The following PHKA1 variants were observed in gnomAD, a reference collection of about 807,000 sequenced individuals.
PHKA1 encodes phosphorylase kinase regulatory subunit alpha 1, also known as phosphorylase b kinase regulatory subunit alpha, skeletal muscle isoform.
Under a neutral mutation model 110.2 loss-of-function variants are expected in PHKA1, and 60 were observed. The observed-to-expected ratio is 0.54, with a 90% CI of 0.44 to 0.68. The LOEUF is 0.68. Among genes scored for constraint, PHKA1 ranks in the 30% least tolerant of loss-of-function variants. The pLI is 0.00. For missense variants in PHKA1, 801 were observed against 942.5 expected, an observed-to-expected ratio of 0.85 and a Z score of 1.97; for synonymous variants, 316 against 333.6, an observed-to-expected ratio of 0.95 and a Z score of 0.58.
chrX:72,703,092 A>G (rs1396344006), intron 3 of PHKA1, among the ~76,000 whole-genome samples: 3 of 111,259 alleles, frequency 2.7e-5, no homozygotes, highest in African/African-American at 9.8e-5. Flanking sequence ...TTGTGCCCCA[A>G]TCACCCTGGG....
chrX:72,670,138 T>C (rs1486730274), intron 6 of PHKA1, among the ~76,000 whole-genome samples: 1 of 112,225 alleles, frequency 8.9e-6, no homozygotes, highest in Admixed American at 9.5e-5. Flanking sequence ...CCAGTGATGA[T>C]GAGCATTTTT....
Position 72,644,026 on chromosome X carries a change from G to T in PHKA1, c.1459+336C>A, listed in dbSNP as rs1556296452. ...TAAAAGACCTAAAAACAAGTTCCTT[G>T]GCTATCATTCCATATAAAATAAGCA... On this transcript the variant is annotated intron_variant, in intron 14 of 31. Transcript: ENST00000373542. 2.7e-5 allele frequency among the ~76,000 whole-genome samples: 3 copies of T among 111,496 alleles called. No individual in the cohort carries two copies. In the East Asian group the frequency reaches 8.4e-4, roughly 31 times the overall value.
intron 4 of PHKA1, among the ~76,000 whole-genome samples, chrX:72,692,960 TG>T (rs1351294851): frequency 1.8e-5 from 2 of 109,524 alleles, no homozygotes; most frequent in Non-Finnish European, 3.8e-5. Context: ...TTTTTTACAT[TG>T]GTGTTTACAG....
rs782491905 is a variant in PHKA1 at position 72,581,204 on chromosome X, TA to T, written c.3499-30del. 8.4e-4 allele frequency: 858 copies of T among 1,021,455 alleles called. 4 individuals carry two copies. The African/African-American group carries it at 0.012, about 15-fold the overall frequency. 84.2% of individuals were successfully genotyped at this position (1,021,455 alleles called of 1,213,427 possible). On this transcript the variant is annotated intron_variant, in intron 31 of 31. Coordinates refer to ENST00000373542, the MANE Select transcript of PHKA1 (RefSeq NM_002637.4). ...TTTGGTTTTTAAGGGTAGAAGAACATAGGGGAAAGGAAAAATTACCAATCTT... is the reference window on the plus strand; with the variant it reads ...TTTGGTTTTTAAGGGTAGAAGAACATGGGGAAAGGAAAAATTACCAATCTT...
In PHKA1 at chrX:72,706,523, C is replaced by G. The variant is rs190042584; in HGVS notation, c.238-1278G>C. On this transcript the variant is annotated intron_variant, in intron 2 of 31. Transcript: ENST00000373542. ...CAATTCTGATACATGTCACCACATA[C>G]TCAAAGGTTTCTACCATATTCTGTC... Among the ~76,000 whole-genome samples, 180 of 111,529 alleles carry G rather than the reference C, an allele frequency of 1.6e-3. 2 individuals carry two copies. In the Middle Eastern group the frequency reaches 0.023, roughly 14 times the overall value.
At chrX:72,612,555 T>C (rs1264145590) in intron 21 of PHKA1, among the ~76,000 whole-genome samples, 3 of 112,381 alleles carry the variant, frequency 2.7e-5, no homozygotes, top group Admixed American at 1.9e-4. Context: ...GTACTTGCCA[T>C]AGCATTTTTG....
At chrX:72,710,542 C>A (rs1208241238) in intron 2 of PHKA1, among the ~76,000 whole-genome samples, 1 of 111,968 alleles carries the variant, frequency 8.9e-6, no homozygotes, top group Non-Finnish European at 1.9e-5. Flanking sequence ...TTGATTAACA[C>A]TGAATCAGGT....
At chrX:72,596,666 A>G (rs925506126) in intron 28 of PHKA1, among the ~76,000 whole-genome samples, 17 of 112,234 alleles carry the variant, frequency 1.5e-4, no homozygotes, top group Middle Eastern at 4.6e-3. Flanking sequence ...ATATAGTTCC[A>G]TATTCATGGG....
chrX:72,656,684 C>A (rs1224797353), intron 9 of PHKA1, among the ~76,000 whole-genome samples: 1 of 111,463 alleles, frequency 9.0e-6, no homozygotes, highest in Non-Finnish European at 1.9e-5. Context: ...TTGGTAAACC[C>A]TCAGAGTGGG....
intron 28 of PHKA1, among the ~76,000 whole-genome samples, chrX:72,595,966 T>C (rs2052584430): frequency 8.9e-6 from 1 of 112,110 alleles, no homozygotes; most frequent in Non-Finnish European, 1.9e-5. Context: ...AGAATTGAAG[T>C]CAGAATCTTG....
intron 28 of PHKA1, among the ~76,000 whole-genome samples, chrX:72,598,425 C>A (rs1156848594): frequency 9.0e-6 from 1 of 111,599 alleles, no homozygotes; most frequent in Admixed American, 9.5e-5. Flanking sequence ...AATGGTGCAG[C>A]CCTTTTGGAC....
Position 72,600,064 on chromosome X carries a change from A to AT in PHKA1, c.3072+1926dup, listed in dbSNP as rs1222372285. On this transcript the variant is annotated intron_variant, in intron 28 of 31. Transcript: ENST00000373542. Reference sequence around the variant, plus strand: ...GAAAAGAAATAAAAATACCCTTATAATTTTTTTTTTCATAATCAGAAAAGA... The same window carrying AT: ...GAAAAGAAATAAAAATACCCTTATAATTTTTTTTTTTCATAATCAGAAAAGA... Among the ~76,000 whole-genome samples, 27 of 108,062 alleles carry AT rather than the reference A, an allele frequency of 2.5e-4. No homozygotes were observed. The East Asian group carries it at 3.2e-3, about 13-fold the overall frequency. The allele number at this position is 108,062 out of a possible 115,157, so 93.8% of individuals were successfully genotyped here.
At chrX:72,607,566 G>T (rs376500798) in intron 23 of PHKA1, among the ~76,000 whole-genome samples, 14 of 111,818 alleles carry the variant, frequency 1.3e-4, no homozygotes, top group African/African-American at 4.2e-4. Flanking sequence ...TTTTAAAACA[G>T]ACTATTAGAT....
At chrX:72,634,705 G>A (rs1375098613) in intron 16 of PHKA1, among the ~76,000 whole-genome samples, 2 of 111,617 alleles carry the variant, frequency 1.8e-5, no homozygotes, top group African/African-American at 6.5e-5. Context: ...ACTAGAGTAA[G>A]AAATATGCAG....
At chrX:72,706,081 A>G (rs2054279509) in intron 2 of PHKA1, among the ~76,000 whole-genome samples, 1 of 112,211 alleles carries the variant, frequency 8.9e-6, no homozygotes, top group Non-Finnish European at 1.9e-5. Flanking sequence ...TCTACTTGGA[A>G]GCCACATGAT....
chrX:72,634,959 G>A (rs183743701), intron 16 of PHKA1, among the ~76,000 whole-genome samples, 196 bp downstream of exon 16: 24 of 112,147 alleles, frequency 2.1e-4, no homozygotes, highest in Admixed American at 1.3e-3. Context: ...CCATGAGAAC[G>A]GAAACCTCAT....
At chrX:72,697,770 G>A (rs1163090138) in intron 3 of PHKA1, among the ~76,000 whole-genome samples, 1 of 109,633 alleles carries the variant, frequency 9.1e-6, no homozygotes, top group Non-Finnish European at 1.9e-5. Flanking sequence ...GGATCACGAG[G>A]TCAGGAGATC....
intron 29 of PHKA1, among the ~76,000 whole-genome samples, chrX:72,589,667 A>G (rs1200368677): frequency 9.2e-6 from 1 of 108,184 alleles, no homozygotes; most frequent in Non-Finnish European, 1.9e-5. Flanking sequence ...ATGATTGTAT[A>G]TTTAGAAAAC....
intron 2 of PHKA1, among the ~76,000 whole-genome samples, chrX:72,711,041 T>C (rs2054372918): frequency 9.4e-6 from 1 of 106,350 alleles, no homozygotes; most frequent in Non-Finnish European, 1.9e-5. Flanking sequence ...TTTTGTATTT[T>C]TAGTAGAGAC....
Sources: allele counts gnomAD v4.1 joint callset (sites outside exome capture counted in the v4.1 genomes callset), GRCh38; gene constraint gnomAD v4.1.1; transcripts MANE v1.5; gene names NCBI Gene and HGNC (gene_info 2026-07-23, HGNC 2026-07-21).